The following PTPN23 variants were observed in gnomAD, a reference collection of about 807,000 sequenced individuals.
PTPN23 encodes the protein protein tyrosine phosphatase non-receptor type 23.
Under a neutral mutation model 156.3 loss-of-function variants are expected in PTPN23, and 72 were observed. The observed-to-expected ratio is 0.46, with a 90% CI of 0.38 to 0.56. The LOEUF (loss-of-function observed/expected upper bound fraction) is 0.56. PTPN23 is among the 20% of genes least tolerant of loss of function. PTPN23 has a pLI of 0.00. For synonymous variants in PTPN23, 957 were observed against 899.6 expected, an observed-to-expected ratio of 1.06 and a Z score of -1.14; for missense variants, 1,974 against 2,171.5, an observed-to-expected ratio of 0.91 and a Z score of 1.81.
At chr3:47,395,799 A>G (rs1053395786) in intron 1 of PTPN23, among the ~76,000 whole-genome samples, 5 of 152,084 alleles carry the variant, frequency 3.3e-5, no homozygotes, top group African/African-American at 1.2e-4. Context: ...GCAGGGCCCA[A>G]TCTTCTAGGG....
In PTPN23 at chr3:47,411,570, C is replaced by T. The variant is rs2107725577; in HGVS notation, c.3772C>T (p.Pro1258Ser). ...GGAGGGGCTCTCCCCATACTGCCCC[C>T]CGCTAGTGGCAACCCAGGCCCCACT... ...CVEGLSPYCP[P>S]LVATQAPLPG... Residue 1258 changes from proline to serine, a missense_variant, in exon 20 of 25, where the codon CCG (proline) becomes TCG (serine). Transcript: ENST00000265562. The surrounding 1 kb of genome is among the most constrained non-coding windows in gnomAD (Gnocchi z 6.3). 1 of 1,612,742 alleles carries T rather than the reference C, an allele frequency of 6.2e-7. No homozygotes were observed. Among genetic ancestry groups the T allele is most frequent in the South Asian group, 1.1e-5 (1 of 91,078 alleles).
At position 47,381,057 on chromosome 3, in the gene PTPN23, G is replaced by A. The variant is rs368562724; in HGVS notation, c.-40G>A. On this transcript the variant is annotated 5_prime_UTR_variant, in exon 1 of 25. Coordinates refer to ENST00000265562, the MANE Select transcript of PTPN23 (RefSeq NM_015466.4). ...CGTGGCTGAGCCAGCAGCTGCAGCA[G>A]CTACGGGAGTGGCCGGGTGGCCGGC... The A allele has an allele frequency of 1.9e-6, 3 of 1,552,978 alleles. No individual in the cohort carries two copies. Among genetic ancestry groups the A allele is most frequent in the Admixed American group, 2.0e-5 (1 of 51,262 alleles).
chr3:47,397,539 T>C (rs1006676368), intron 2 of PTPN23, among the ~76,000 whole-genome samples: 1 of 152,252 alleles, frequency 6.6e-6, no homozygotes, highest in Non-Finnish European at 1.5e-5. Flanking sequence ...TAGCTGTTAG[T>C]GTTTTCTTGT....
chr3:47,397,705 T>C lies in PTPN23; in HGVS notation c.159+1488T>C, dbSNP rs1704907121. On this transcript the variant is annotated intron_variant, in intron 2 of 24. Coordinates refer to ENST00000265562, the MANE Select transcript of PTPN23 (RefSeq NM_015466.4). ...CTTTTTCTGAGACCTAGTCTTACTC[T>C]GTCACCCAGGCTGGAGTGCAATGGC... is the stretch of plus-strand genomic sequence containing the variant. Among the ~76,000 whole-genome samples the C allele has an allele frequency of 2.6e-5, 4 of 152,212 alleles. No individual in the cohort carries two copies. The South Asian group carries it at 8.3e-4, about 32-fold the overall frequency.
At chr3:47,386,407 C>T (rs984858237) in intron 1 of PTPN23, among the ~76,000 whole-genome samples, 2 of 152,316 alleles carry the variant, frequency 1.3e-5, no homozygotes, top group African/African-American at 4.8e-5. Flanking sequence ...CTCAAGTGAT[C>T]TGCCCACCTC....
At chr3:47,387,251 T>C (rs1195117255) in intron 1 of PTPN23, among the ~76,000 whole-genome samples, 1 of 152,146 alleles carries the variant, frequency 6.6e-6, no homozygotes, top group Non-Finnish European at 1.5e-5. Context: ...TGAAATTTAG[T>C]AGCTGAACAT....
In PTPN23 at chr3:47,392,982, C is replaced by T. The variant is rs570873401; in HGVS notation, c.85-3161C>T. On this transcript the variant is annotated intron_variant, in intron 1 of 24. Coordinates refer to ENST00000265562, the MANE Select transcript of PTPN23 (RefSeq NM_015466.4). The stretch of plus-strand genomic sequence containing the variant: ...TGGAGTAGCTGAGACTACAGATGTG[C>T]GCTGCACCTGGCTGATTCATTTTTA... Among the ~76,000 whole-genome samples, 8 of 152,018 alleles carry T rather than the reference C, an allele frequency of 5.3e-5. No individual in the cohort carries two copies. The East Asian group carries it at 7.7e-4, about 15-fold the overall frequency.
Position 47,409,216 on chromosome 3 carries a change from A to G in PTPN23, c.1696A>G (p.Met566Val), listed in dbSNP as rs200806204. The G allele has an allele frequency of 5.0e-6, 8 of 1,614,032 alleles. No homozygotes were observed. Among genetic ancestry groups the G allele is most frequent in the African/African-American group, 1.3e-5 (1 of 74,928 alleles). Reference protein sequence around the residue: ...LKRILAKVQEMRDQRVSLEQQ... With the variant: ...LKRILAKVQEVRDQRVSLEQQ... Reference sequence around the variant, plus strand: ...GCGCATCCTGGCTAAGGTGCAGGAGATGCGGGACCAGCGCGTGTCCCTGGA... The same window carrying G: ...GCGCATCCTGGCTAAGGTGCAGGAGGTGCGGGACCAGCGCGTGTCCCTGGA... Residue 566 changes from methionine to valine, a missense_variant, in exon 17 of 25, where the codon ATG becomes GTG. Met to Val is a conservative substitution (Grantham distance 21, BLOSUM62 1). Around this residue, in one of 4 missense-constraint regions of PTPN23, gnomAD observed 726 missense variants for 929.5 expected, o/e 0.78. Coordinates refer to ENST00000265562, the MANE Select transcript of PTPN23 (RefSeq NM_015466.4).
intron 1 of PTPN23, among the ~76,000 whole-genome samples, chr3:47,383,058 C>T (rs1010122960): frequency 6.6e-6 from 1 of 152,090 alleles, no homozygotes; most frequent in African/African-American, 2.4e-5. Context: ...TGGAATAGAG[C>T]CAGTATCTTT....
At chr3:47,393,000 C>G (rs933550415) in intron 1 of PTPN23, among the ~76,000 whole-genome samples, 1 of 151,884 alleles carries the variant, frequency 6.6e-6, no homozygotes, top group African/African-American at 2.4e-5. Flanking sequence ...CTGGCTGATT[C>G]ATTTTTAAAT....
In PTPN23 at chr3:47,411,060, C is replaced by T. The variant is rs374089207; in HGVS notation, c.3262C>T (p.Pro1088Ser). The T allele has an allele frequency of 3.2e-6, 5 of 1,585,122 alleles. No homozygotes were observed. The highest frequency in any genetic ancestry group is 2.2e-5 in the East Asian group (1 of 44,724). The change falls in exon 20 of 25, where the codon CCT becomes TCT. Residue 1088 changes from proline (P) to serine (S), a missense_variant. Pro to Ser is a moderately conservative substitution (Grantham distance 74). Coordinates refer to ENST00000265562, the MANE Select transcript of PTPN23 (RefSeq NM_015466.4). This position sits in a 1 kb window ranked among gnomAD's most constrained non-coding sequence, Gnocchi z 6.3. ...CCCTAGTCCCCACCTGGTGCCTTCA[C>T]CTGCCCCATCTCCAGGGCCTGGTCC... Reference protein sequence around the residue: ...STPSPHLVPSPAPSPGPGPVP... With the variant: ...STPSPHLVPSSAPSPGPGPVP...
At position 47,407,534 on chromosome 3, in the gene PTPN23, T is replaced by A; in HGVS notation, c.953T>A (p.Phe318Tyr). 6.2e-7 allele frequency: 1 copy of A among 1,614,022 alleles called. No homozygotes were observed. Among genetic ancestry groups the A allele is most frequent in the Non-Finnish European group, 8.5e-7 (1 of 1,179,958 alleles). ...KYNSAKKDND[F>Y]IYHEAVPALD... ...AATTCTGCCAAGAAGGACAACGACT[T>A]CATTTACCATGAGGCTGTCCCAGCA... The change falls in exon 12 of 25, where the codon TTC (phenylalanine) becomes TAC (tyrosine). Residue 318 changes from phenylalanine to tyrosine, a missense_variant. By Grantham distance (22) the Phe-to-Tyr change is conservative (BLOSUM62 3). Transcript: ENST00000265562. This position sits in a 1 kb window ranked among gnomAD's most constrained non-coding sequence, Gnocchi z 4.0.
Position 47,383,560 on chromosome 3 carries a change from CAG to C in PTPN23, c.84+2382_84+2383del, listed in dbSNP as rs377115584. ...GTGTACCCTCTACATAGTTGGCAGT[CAG>C]AAAAATATTTCTCAAATGATTGAAT... On this transcript the variant is annotated intron_variant, in intron 1 of 24. Transcript: ENST00000265562. 9.9e-4 allele frequency among the ~76,000 whole-genome samples: 150 copies of C among 152,266 alleles called. 3 individuals carry two copies. Among genetic ancestry groups the C allele is most frequent in the African/African-American group, 3.4e-3 (141 of 41,548 alleles).
At chr3:47,392,124 G>A (rs1001523753) in intron 1 of PTPN23, among the ~76,000 whole-genome samples, 1 of 152,108 alleles carries the variant, frequency 6.6e-6, no homozygotes, top group African/African-American at 2.4e-5. Context: ...GGGCTCAAAC[G>A]ATCGGCCCAC....
intron 1 of PTPN23, among the ~76,000 whole-genome samples, chr3:47,395,598 G>A (rs13318465): frequency 0.011 from 1,638 of 152,296 alleles, 33 homozygotes; most frequent in African/African-American, 0.038. Context: ...TCCCACCTGG[G>A]CCATTCTCCT....
Position 47,405,612 on chromosome 3 carries a change from G to C in PTPN23, c.365-137G>C. ...TGAGTTTCCCTGTTCCCTCCAGCTT[G>C]GGTGTCCTTGGACTCGTTGCCCTGG... On this transcript the variant is annotated intron_variant, in intron 4 of 24. Transcript: ENST00000265562. The surrounding 1 kb of genome is among the most constrained non-coding windows in gnomAD (Gnocchi z 4.7). 1.2e-6 allele frequency: 1 copy of C among 824,794 alleles called. No homozygotes were observed. The highest frequency in any genetic ancestry group is 2.7e-5 in the East Asian group (1 of 37,666). The allele number at this position is 824,794 out of a possible 1,614,324, so 51.1% of individuals were successfully genotyped here. A position where few individuals can be genotyped will look rare whatever the true frequency, so the allele number is the denominator to read the frequency against.
chr3:47,386,127 C>T (rs1704647295), intron 1 of PTPN23, among the ~76,000 whole-genome samples: 1 of 152,276 alleles, frequency 6.6e-6, no homozygotes, highest in East Asian at 1.9e-4. Context: ...TTGCTGTCCA[C>T]CACTGGGTTA....
intron 2 of PTPN23, among the ~76,000 whole-genome samples, chr3:47,402,862 C>T (rs1037888519): frequency 1.3e-5 from 2 of 152,026 alleles, no homozygotes; most frequent in African/African-American, 2.4e-5. Context: ...CACACCACCA[C>T]ACCCAGCTAA....
At chr3:47,385,827 C>T (rs1196156284) in intron 1 of PTPN23, among the ~76,000 whole-genome samples, 1 of 152,220 alleles carries the variant, frequency 6.6e-6, no homozygotes, top group Non-Finnish European at 1.5e-5. Context: ...CCCACTCTGG[C>T]TGAGTTGATC....
Sources: gnomAD v4.1 joint callset for allele counts (sites outside exome capture counted in the v4.1 genomes callset) on GRCh38, gnomAD v4.1.1 for gene constraint, gnomAD v4.1.1 regional missense constraint, Gnocchi (gnomAD v3.1) non-coding constraint, MANE v1.5 for transcripts, NCBI Gene and HGNC (gene_info 2026-07-23, HGNC 2026-07-21) for gene names.